ASCC1: variants seen among roughly 807,000 people sequenced by gnomAD.
ASCC1 encodes ASC-1 complex subunit P50.
ASCC1 carries 35 observed loss-of-function variants against 46.6 expected under a neutral mutation model. That is an observed-to-expected ratio of 0.75 (90% confidence interval 0.57 to 0.99). ASCC1 has a LOEUF of 0.99. Among genes scored for constraint, ASCC1 ranks in the 50% least tolerant of loss-of-function variants. The pLI is 0.00. For missense variants in ASCC1, 376 were observed against 428.7 expected (o/e 0.88, Z 1.09); for synonymous variants, 143 against 146.6 (o/e 0.98, Z 0.18).
intron 6 of ASCC1, among the ~76,000 whole-genome samples, chr10:72,153,922 A>G (rs1023966940): frequency 6.6e-6 from 1 of 151,406 alleles, no homozygotes; most frequent in African/African-American, 2.4e-5. Context: ...GGGTTTAGCT[A>G]TATTGGCCAG....
chr10:72,110,962 G>A (rs781563831), intron 9 of ASCC1, among the ~76,000 whole-genome samples: 9 of 152,168 alleles, frequency 5.9e-5, no homozygotes, highest in South Asian at 2.1e-4. Context: ...CTCATTAGAC[G>A]GGAAGACATG....
At chr10:72,161,452 C>T (rs1357264295) in intron 6 of ASCC1, 86 bp downstream of exon 6, 1 of 1,557,448 alleles carries the variant, frequency 6.4e-7, no homozygotes, top group East Asian at 2.2e-5. Flanking sequence ...ATGTTATACA[C>T]CCTCTGGTTC....
At chr10:72,102,561 T>G in intron 9 of ASCC1, 1 of 670,384 alleles carries the variant, frequency 1.5e-6, no homozygotes, top group Non-Finnish European at 2.7e-6. Flanking sequence ...CTCTAGTTTG[T>G]CACTTGTCTT....
At chr10:72,189,543 C>T (rs544104495) in intron 5 of ASCC1, among the ~76,000 whole-genome samples, 7 of 152,232 alleles carry the variant, frequency 4.6e-5, no homozygotes, top group Non-Finnish European at 7.4e-5. Flanking sequence ...TGGCTCACAC[C>T]TGTAATCCTA....
intron 9 of ASCC1, among the ~76,000 whole-genome samples, chr10:72,115,787 G>A (rs1843432261): frequency 6.6e-6 from 1 of 152,198 alleles, no homozygotes; most frequent in African/African-American, 2.4e-5. Context: ...GTGGCAGGAA[G>A]AATGGCTTTA....
intron 5 of ASCC1, among the ~76,000 whole-genome samples, chr10:72,184,475 T>C (rs973464081): frequency 6.6e-6 from 1 of 152,160 alleles, no homozygotes; most frequent in Non-Finnish European, 1.5e-5. Flanking sequence ...GAAATAGATA[T>C]ATAGTGTAAA....
At chr10:72,101,754 C>A (rs1193995935) in intron 9 of ASCC1, among the ~76,000 whole-genome samples, 1 of 151,812 alleles carries the variant, frequency 6.6e-6, no homozygotes. Flanking sequence ...ATTGTGCTGA[C>A]TGGAGAAGGG....
At chr10:72,144,437 T>C (rs1034557091) in intron 7 of ASCC1, among the ~76,000 whole-genome samples, 2 of 152,214 alleles carry the variant, frequency 1.3e-5, no homozygotes, top group African/African-American at 4.8e-5. Context: ...TCTAATCCTA[T>C]ATTTTCTTAA....
chr10:72,208,771 GTGTGTGTGTGTGTT>G (rs1052965758), intron 3 of ASCC1, among the ~76,000 whole-genome samples: 20 of 151,724 alleles, frequency 1.3e-4, no homozygotes, highest in Non-Finnish European at 2.4e-4. Context: ...AAAAAAATGT[GTGTGTGTGTGTGTT>G]TGTGTGTGTG....
rs1206161932 is a variant in ASCC1 at position 72,203,504 on chromosome 10, CCT to C, written c.231_232del (p.Asp79HisfsTer2). ...CATTTCTATTTTCTTCCTAGTGTCC[CCT>C]CTCTTTCCAACTATATGCCTGTAAC... On this transcript the variant is annotated frameshift_variant, in exon 4 of 10. Transcript: ENST00000672957. LOFTEE classifies it high-confidence loss of function. 3.1e-6 allele frequency: 5 copies of C among 1,611,412 alleles called. No homozygotes were observed. The highest frequency in any genetic ancestry group is 4.2e-6 in the Non-Finnish European group (5 of 1,178,036).
chr10:72,190,636 T>C (rs1854282983), intron 5 of ASCC1: 1 of 805,522 alleles, frequency 1.2e-6, no homozygotes, highest in Non-Finnish European at 1.9e-6. Context: ...CATGTGTGCT[T>C]ACAGGTGTTA....
At chr10:72,119,301 A>G (rs957847953) in intron 9 of ASCC1, among the ~76,000 whole-genome samples, 2 of 152,248 alleles carry the variant, frequency 1.3e-5, no homozygotes, top group Non-Finnish European at 2.9e-5. Context: ...GCCTGCCCTC[A>G]GGAGAAACTA....
intron 5 of ASCC1, among the ~76,000 whole-genome samples, chr10:72,170,775 G>A (rs1219086778): frequency 6.6e-6 from 1 of 152,052 alleles, no homozygotes; most frequent in Non-Finnish European, 1.5e-5. Flanking sequence ...AAATTTGAAC[G>A]TGGATGGTAA....
At chr10:72,170,837 T>C (rs1382835680) in intron 5 of ASCC1, among the ~76,000 whole-genome samples, 1 of 151,922 alleles carries the variant, frequency 6.6e-6, no homozygotes, top group Non-Finnish European at 1.5e-5. Flanking sequence ...ACTATAACAT[T>C]ATTATGCAAA....
At chr10:72,139,353 A>T (rs911928946) in intron 7 of ASCC1, among the ~76,000 whole-genome samples, 3 of 151,538 alleles carry the variant, frequency 2.0e-5, no homozygotes, top group Non-Finnish European at 4.4e-5. Context: ...TGACCTCGTG[A>T]TCCACCCAAC....
At chr10:72,105,725 A>G (rs1324005395) in intron 9 of ASCC1, among the ~76,000 whole-genome samples, 1 of 152,142 alleles carries the variant, frequency 6.6e-6, no homozygotes, top group Admixed American at 6.5e-5. Context: ...GGAATTATTG[A>G]TTTCTGGTAA....
intron 5 of ASCC1, among the ~76,000 whole-genome samples, chr10:72,194,010 T>C (rs1854970707): frequency 6.6e-6 from 1 of 151,604 alleles, no homozygotes. Flanking sequence ...AATTTTTTTT[T>C]TTTTTGTATT....
intron 3 of ASCC1, among the ~76,000 whole-genome samples, chr10:72,206,356 A>G (rs1857214542): frequency 6.6e-6 from 1 of 152,174 alleles, no homozygotes; most frequent in Admixed American, 6.6e-5. Flanking sequence ...GTGAGCCGAG[A>G]TCATGCCATT....
At chr10:72,162,197 A>C (rs1473398055) in intron 5 of ASCC1, among the ~76,000 whole-genome samples, 3 of 152,042 alleles carry the variant, frequency 2.0e-5, no homozygotes, top group Non-Finnish European at 4.4e-5. Flanking sequence ...TTGAGACAGA[A>C]TCTCGCTCTG....
Sources: allele counts gnomAD v4.1 joint callset (sites outside exome capture counted in the v4.1 genomes callset), GRCh38; gene constraint gnomAD v4.1.1; transcripts MANE v1.5; gene names NCBI Gene and HGNC (gene_info 2026-07-23, HGNC 2026-07-21).